FSIP1: variants seen among roughly 807,000 people sequenced by gnomAD.
FSIP1 encodes the protein fibrous sheath interacting protein 1.
Under a neutral mutation model 60.9 loss-of-function variants are expected in FSIP1, and 65 were observed. The observed-to-expected ratio is 1.07, with a 90% CI of 0.87 to 1.31. The LOEUF (loss-of-function observed/expected upper bound fraction) is 1.31, where lower values mean the gene tolerates loss of function less well. Among genes scored for constraint, FSIP1 ranks in the 40% most tolerant of loss-of-function variants. The probability of loss-of-function intolerance (pLI) is 0.00; values close to 1 mark genes in which losing one functional copy is unlikely to be tolerated. For synonymous variants in FSIP1, 209 were observed against 221.2 expected, an observed-to-expected ratio of 0.94 and a Z score of 0.49; for missense variants, 675 against 665.5, an observed-to-expected ratio of 1.01 and a Z score of -0.16.
chr15:39,697,786 T>G (rs1241512951), intron 10 of FSIP1, among the ~76,000 whole-genome samples: 1 of 152,182 alleles, frequency 6.6e-6, no homozygotes, highest in Admixed American at 6.6e-5. Context: ...ACACATATGG[T>G]TTCAATAAAT....
At chr15:39,629,818 T>C (rs1891805866) in intron 10 of FSIP1, among the ~76,000 whole-genome samples, 1 of 152,202 alleles carries the variant, frequency 6.6e-6, no homozygotes, top group Non-Finnish European at 1.5e-5. Flanking sequence ...GAAAGATATT[T>C]GAAAGATATC....
intron 9 of FSIP1, among the ~76,000 whole-genome samples, chr15:39,722,403 C>A (rs1229690900): frequency 2.0e-5 from 3 of 151,958 alleles, no homozygotes; most frequent in Non-Finnish European, 4.4e-5. Context: ...AAAACCATCC[C>A]CCTCTCTGGG....
At chr15:39,780,385 A>C (rs543407165) in intron 1 of FSIP1, among the ~76,000 whole-genome samples, 17 of 152,232 alleles carry the variant, frequency 1.1e-4, no homozygotes, top group Admixed American at 3.9e-4. Context: ...ATTAGCCGGG[A>C]GTGGTGATGG....
chr15:39,719,485 A>G (rs1040823763), intron 9 of FSIP1, among the ~76,000 whole-genome samples: 8 of 152,238 alleles, frequency 5.3e-5, no homozygotes, highest in African/African-American at 1.9e-4. Context: ...TGTGGTGTTG[A>G]CTAGGCCAAA....
chr15:39,751,416 T>A (rs1251585198), intron 5 of FSIP1, among the ~76,000 whole-genome samples: 1 of 62,322 alleles, frequency 1.6e-5, no homozygotes, highest in African/African-American at 7.4e-5. Context: ...CTGTAATACA[T>A]AAACACACAC....
At chr15:39,615,621 C>T (rs1891197714) in intron 11 of FSIP1, among the ~76,000 whole-genome samples, 1 of 151,782 alleles carries the variant, frequency 6.6e-6, no homozygotes, top group South Asian at 2.1e-4. Flanking sequence ...GGTGTGGTGG[C>T]TCACGCCTGT....
At chr15:39,760,352 G>A (rs1275964643) in intron 5 of FSIP1, among the ~76,000 whole-genome samples, 1 of 152,012 alleles carries the variant, frequency 6.6e-6, no homozygotes, top group East Asian at 1.9e-4. Context: ...TCTCCCCCAA[G>A]ATATGTATTA....
chr15:39,723,052 T>G (rs548197703), intron 9 of FSIP1, among the ~76,000 whole-genome samples: 8 of 152,284 alleles, frequency 5.3e-5, no homozygotes, highest in African/African-American at 1.9e-4. Flanking sequence ...AATAACATAA[T>G]TGGCTGAGAT....
At chr15:39,749,444 A>T (rs1238107868) in intron 5 of FSIP1, among the ~76,000 whole-genome samples, 1 of 152,028 alleles carries the variant, frequency 6.6e-6, no homozygotes, top group Non-Finnish European at 1.5e-5. Flanking sequence ...AAATTCAACA[A>T]TATATCAAAA....
chr15:39,769,539 T>C (rs1897811815), intron 3 of FSIP1, among the ~76,000 whole-genome samples: 1 of 152,190 alleles, frequency 6.6e-6, no homozygotes, highest in Admixed American at 6.5e-5. Flanking sequence ...CCAGTTCAGC[T>C]CTCAACTCCA....
At chr15:39,741,573 T>C (rs1400489254) in intron 6 of FSIP1, among the ~76,000 whole-genome samples, 1 of 152,268 alleles carries the variant, frequency 6.6e-6, no homozygotes, top group Non-Finnish European at 1.5e-5. Context: ...CAGCCAGCTT[T>C]TTTTAAAAAC....
chr15:39,736,618 G>A (rs976825620), intron 8 of FSIP1, among the ~76,000 whole-genome samples: 35 of 152,270 alleles, frequency 2.3e-4, no homozygotes, highest in African/African-American at 6.7e-4. Flanking sequence ...CTCCTCCCCC[G>A]TGGGCCACAG....
At chr15:39,643,670 C>T (rs1028323301) in intron 10 of FSIP1, among the ~76,000 whole-genome samples, 9 of 152,156 alleles carry the variant, frequency 5.9e-5, no homozygotes, top group Non-Finnish European at 1.2e-4. Flanking sequence ...GAAATTGAGA[C>T]AATGTACTTC....
chr15:39,663,357 A>G (rs1394717047), intron 10 of FSIP1, among the ~76,000 whole-genome samples: 26 of 146,338 alleles, frequency 1.8e-4, no homozygotes, highest in Admixed American at 1.6e-3. Context: ...CAGAGAACAT[A>G]AGATATAAAT....
downstream of FSIP1, chr15:39,597,621 T>G (rs1890501659): frequency 6.6e-6 from 1 of 151,996 alleles, no homozygotes; most frequent in South Asian, 2.1e-4. Context: ...AAAGACTGAG[T>G]TGCTCAGGCC....
chr15:39,774,554 A>G (rs1049032313), intron 2 of FSIP1, among the ~76,000 whole-genome samples: 1 of 152,178 alleles, frequency 6.6e-6, no homozygotes, highest in Admixed American at 6.5e-5. Context: ...AATATGGAAG[A>G]GCCACTATCA....
At chr15:39,644,283 C>T (rs565113225) in intron 10 of FSIP1, among the ~76,000 whole-genome samples, 2 of 152,314 alleles carry the variant, frequency 1.3e-5, no homozygotes, top group South Asian at 2.1e-4. Context: ...TCCAGCTGCC[C>T]GGCCGAGTGT....
rs535654332 is a variant in FSIP1 at position 39,723,946 on chromosome 15, C to A, written c.1050+2643G>T. On this transcript the variant is annotated intron_variant, in intron 9 of 11. Transcript: ENST00000350221. ...GTTTTAGTTAGAAATGAAGAAATGC[C>A]AAAGGGAAATTGAACAAAAGCTCAA... Among the ~76,000 whole-genome samples the A allele has an allele frequency of 1.2e-3, 180 of 152,282 alleles. 2 individuals are homozygous for A. Among genetic ancestry groups the A allele is most frequent in the South Asian group, 1.9e-3 (9 of 4,828 alleles).
At chr15:39,695,278 T>G (rs1443105932) in intron 10 of FSIP1, among the ~76,000 whole-genome samples, 1 of 151,708 alleles carries the variant, frequency 6.6e-6, no homozygotes, top group Non-Finnish European at 1.5e-5. Flanking sequence ...CAGCCTCCCC[T>G]CCATGGCTGC....
Sources: allele counts gnomAD v4.1 joint callset (sites outside exome capture counted in the v4.1 genomes callset), GRCh38; gene constraint gnomAD v4.1.1; transcripts MANE v1.5; gene names NCBI Gene and HGNC (gene_info 2026-07-23, HGNC 2026-07-21).